Variants in FSIP1 observed in about 807,000 individuals in gnomAD.
FSIP1 encodes the protein fibrous sheath interacting protein 1.
In FSIP1, 65 loss-of-function variants were observed where a neutral mutation model predicts 60.9. That is an observed-to-expected ratio of 1.07 (90% CI 0.87 to 1.31). The LOEUF (loss-of-function observed/expected upper bound fraction) is 1.31, where lower values mean the gene tolerates loss of function less well. Among genes scored for constraint, FSIP1 ranks in the 40% most tolerant of loss-of-function variants. FSIP1 has a pLI of 0.00. For missense variants in FSIP1, 675 were observed against 665.5 expected (o/e 1.01, Z -0.16); for synonymous variants, 209 against 221.2 (o/e 0.94, Z 0.49).
chr15:39,657,604 G>A lies in FSIP1; in HGVS notation c.1189-39359C>T, dbSNP rs115455953. On this transcript the variant is annotated intron_variant, in intron 10 of 11. Transcript: ENST00000350221. ...TATTTATAAAAATAGCAAATAAAATGTTACCCCACCATTCCTCCTTCTTGA... is the reference window on the plus strand; with the variant it reads ...TATTTATAAAAATAGCAAATAAAATATTACCCCACCATTCCTCCTTCTTGA... Among the ~76,000 whole-genome samples the A allele has an allele frequency of 6.8e-3, 1,033 of 152,200 alleles. 17 individuals are homozygous for A. The highest frequency in any genetic ancestry group is 0.024 in the African/African-American group (992 of 41,532).
chr15:39,650,256 T>C (rs1263758116), intron 10 of FSIP1, among the ~76,000 whole-genome samples: 2 of 152,248 alleles, frequency 1.3e-5, no homozygotes, highest in African/African-American at 4.8e-5. Context: ...CAAAATTCCT[T>C]GGCCATAAAA....
At chr15:39,766,091 C>T (rs1038474569) in intron 3 of FSIP1, among the ~76,000 whole-genome samples, 1 of 152,022 alleles carries the variant, frequency 6.6e-6, no homozygotes, top group Non-Finnish European at 1.5e-5. Context: ...ATGTTCATGA[C>T]TAAAAAATAG....
chr15:39,701,563 G>A (rs1283777319), intron 10 of FSIP1, among the ~76,000 whole-genome samples: 1 of 152,092 alleles, frequency 6.6e-6, no homozygotes, highest in African/African-American at 2.4e-5. Context: ...TAAGTGCCAG[G>A]ATCCTGTTTA....
chr15:39,672,969 A>G (rs1055399649), intron 10 of FSIP1, among the ~76,000 whole-genome samples: 2 of 152,214 alleles, frequency 1.3e-5, no homozygotes, highest in Non-Finnish European at 2.9e-5. Flanking sequence ...TCTACAGAAC[A>G]TTCCGCACAA....
intron 10 of FSIP1, among the ~76,000 whole-genome samples, chr15:39,654,674 T>G (rs1294429716): frequency 1.3e-5 from 2 of 152,212 alleles, no homozygotes; most frequent in African/African-American, 4.8e-5. Flanking sequence ...TATATTCGTT[T>G]TTCAGCAGTT....
intron 10 of FSIP1, among the ~76,000 whole-genome samples, chr15:39,707,144 C>T (rs1895305716): frequency 6.6e-6 from 1 of 152,172 alleles, no homozygotes; most frequent in Admixed American, 6.5e-5. Flanking sequence ...AACCTCTCCT[C>T]ACCCTTGCCT....
At chr15:39,635,421 G>C (rs4547308) in intron 10 of FSIP1, among the ~76,000 whole-genome samples, 27,560 of 151,880 alleles carry the variant, frequency 0.18, 3,047 homozygotes, top group East Asian at 0.32. Context: ...TTATCCTGAA[G>C]AGGACACATG....
intron 8 of FSIP1, among the ~76,000 whole-genome samples, chr15:39,737,103 T>C (rs952046866): frequency 6.6e-6 from 1 of 152,134 alleles, no homozygotes; most frequent in African/African-American, 2.4e-5. Flanking sequence ...ATAAAAGATA[T>C]ACAATAGAGC....
intron 9 of FSIP1, among the ~76,000 whole-genome samples, chr15:39,721,417 A>T (rs559810750): frequency 6.6e-6 from 1 of 152,220 alleles, no homozygotes; most frequent in Admixed American, 6.5e-5. Flanking sequence ...CGCAGCATAC[A>T]CTTTCCGTAC....
chr15:39,719,446 A>G (rs1895870419), intron 9 of FSIP1, among the ~76,000 whole-genome samples: 1 of 152,240 alleles, frequency 6.6e-6, no homozygotes, highest in South Asian at 2.1e-4. Context: ...TTGCCAAGAG[A>G]TTCTGAGTTT....
At chr15:39,667,658 A>C (rs1595592299) in intron 10 of FSIP1, among the ~76,000 whole-genome samples, 1 of 152,314 alleles carries the variant, frequency 6.6e-6, no homozygotes, top group Admixed American at 6.5e-5. Flanking sequence ...TCTAGGAGGC[A>C]GTCTTAGCGG....
chr15:39,719,120 G>C (rs112090854), intron 9 of FSIP1, among the ~76,000 whole-genome samples: 17 of 152,298 alleles, frequency 1.1e-4, no homozygotes, highest in African/African-American at 4.1e-4. Context: ...GGCCAAGAGG[G>C]GGCAAGAAAA....
chr15:39,720,497 C>T (rs985551511), intron 9 of FSIP1, among the ~76,000 whole-genome samples: 4 of 152,006 alleles, frequency 2.6e-5, no homozygotes, highest in African/African-American at 9.7e-5. Flanking sequence ...CCCTCCCCAA[C>T]CAGAAAAAAA....
chr15:39,733,956 A>C (rs1168711653), intron 8 of FSIP1, among the ~76,000 whole-genome samples: 1 of 152,238 alleles, frequency 6.6e-6, no homozygotes, highest in East Asian at 1.9e-4. Flanking sequence ...CTCAACTGAT[A>C]CCTCCCAAAA....
At chr15:39,675,458 G>A (rs1387069766) in intron 10 of FSIP1, among the ~76,000 whole-genome samples, 1 of 152,078 alleles carries the variant, frequency 6.6e-6, no homozygotes, top group African/African-American at 2.4e-5. Flanking sequence ...GTCTATTTGA[G>A]AAAATGCAGA....
intron 5 of FSIP1, among the ~76,000 whole-genome samples, chr15:39,749,489 T>A (rs915360321): frequency 6.6e-6 from 1 of 152,058 alleles, no homozygotes; most frequent in African/African-American, 2.4e-5. Context: ...GATTTATCCC[T>A]GGCAGGTAAG....
At chr15:39,709,610 T>C (rs1393711778) in intron 10 of FSIP1, among the ~76,000 whole-genome samples, 1 of 151,954 alleles carries the variant, frequency 6.6e-6, no homozygotes, top group African/African-American at 2.4e-5. Context: ...TTTAAAGCAA[T>C]GAAATGAAGT....
intron 10 of FSIP1, among the ~76,000 whole-genome samples, chr15:39,675,237 T>C (rs900786884): frequency 2.6e-5 from 4 of 152,194 alleles, no homozygotes; most frequent in African/African-American, 9.6e-5. Flanking sequence ...GAATGTAAAC[T>C]GGTACAACTA....
intron 11 of FSIP1, among the ~76,000 whole-genome samples, chr15:39,615,814 G>T (rs989703369): frequency 1.3e-5 from 2 of 152,026 alleles, no homozygotes; most frequent in African/African-American, 4.8e-5. Flanking sequence ...GGGGGAAAAA[G>T]GGAATGGAGA....
Sources: allele counts gnomAD v4.1 joint callset (sites outside exome capture counted in the v4.1 genomes callset), GRCh38; gene constraint gnomAD v4.1.1; transcripts MANE v1.5; gene names NCBI Gene and HGNC (gene_info 2026-07-23, HGNC 2026-07-21).